KATNIP: variants seen among roughly 807,000 people sequenced by gnomAD.
KATNIP encodes katanin-interacting protein.
A neutral mutation model predicts 174.0 loss-of-function variants in KATNIP; 126 were observed. The ratio of observed to expected loss-of-function variants is 0.72; its 90% CI spans 0.63 to 0.84. KATNIP has a LOEUF of 0.84. Among genes scored for constraint, KATNIP ranks in the 40% least tolerant of loss-of-function variants. KATNIP has a pLI of 0.00. For synonymous variants in KATNIP, 810 were observed against 835.7 expected, an observed-to-expected ratio of 0.97 and a Z score of 0.53; for missense variants, 1,958 against 2,109.7, an observed-to-expected ratio of 0.93 and a Z score of 1.41.
chr16:27,712,593 A>G (rs2079623322), intron 13 of KATNIP, among the ~76,000 whole-genome samples: 1 of 152,202 alleles, frequency 6.6e-6, no homozygotes, highest in Non-Finnish European at 1.5e-5. Context: ...GAATTGGAGC[A>G]TTCAAAAGAT....
intron 2 of KATNIP, among the ~76,000 whole-genome samples, chr16:27,599,680 C>T (rs1052417241): frequency 1.3e-5 from 2 of 152,208 alleles, no homozygotes; most frequent in African/African-American, 4.8e-5. Flanking sequence ...AGCCTCTCAC[C>T]TGCAGCCTGG....
At chr16:27,715,425 A>G (rs1294094136) in intron 13 of KATNIP, among the ~76,000 whole-genome samples, 1 of 152,242 alleles carries the variant, frequency 6.6e-6, no homozygotes, top group Non-Finnish European at 1.5e-5. Context: ...ACCAAAAACA[A>G]GAAAAAACGG....
chr16:27,582,692 C>T (rs2090744918), intron 2 of KATNIP, among the ~76,000 whole-genome samples: 3 of 152,272 alleles, frequency 2.0e-5, no homozygotes, highest in South Asian at 4.1e-4. Context: ...CTTACCTTTT[C>T]GTGATTCGAC....
At chr16:27,617,836 G>T (rs895370343) in intron 2 of KATNIP, among the ~76,000 whole-genome samples, 4 of 152,110 alleles carry the variant, frequency 2.6e-5, no homozygotes, top group Non-Finnish European at 4.4e-5. Flanking sequence ...CAAGACTCAG[G>T]CAGTCCTCCC....
intron 2 of KATNIP, among the ~76,000 whole-genome samples, chr16:27,602,268 C>T (rs1350374438): frequency 1.3e-5 from 2 of 152,190 alleles, no homozygotes; most frequent in Non-Finnish European, 1.5e-5. Flanking sequence ...CGCTTAAAAT[C>T]CAGTTGAAAG....
intron 15 of KATNIP, among the ~76,000 whole-genome samples, chr16:27,743,448 C>T (rs1051050680): frequency 6.6e-6 from 1 of 152,164 alleles, no homozygotes; most frequent in Non-Finnish European, 1.5e-5. Flanking sequence ...CCCAGCCTTA[C>T]AAATTTTTGC....
chr16:27,682,726 G>A (rs1392157997), intron 8 of KATNIP, among the ~76,000 whole-genome samples: 2 of 152,124 alleles, frequency 1.3e-5, no homozygotes, highest in East Asian at 3.8e-4. Flanking sequence ...TTGAATATTT[G>A]CCCCCTCCAA....
intron 13 of KATNIP, among the ~76,000 whole-genome samples, chr16:27,712,527 C>T (rs370288187): frequency 2.9e-4 from 44 of 152,272 alleles, no homozygotes; most frequent in African/African-American, 5.5e-4. Context: ...CACCCGACAG[C>T]TGAGGTACCT....
chr16:27,593,495 C>T (rs1596838847), intron 2 of KATNIP, among the ~76,000 whole-genome samples: 2 of 152,072 alleles, frequency 1.3e-5, no homozygotes, highest in African/African-American at 2.4e-5. Flanking sequence ...GCCTTGGCCT[C>T]GCAAAGTGCT....
At chr16:27,671,431 C>T (rs75533277) in intron 6 of KATNIP, among the ~76,000 whole-genome samples, 3,427 of 152,230 alleles carry the variant, frequency 0.023, 146 homozygotes, top group African/African-American at 0.079. Flanking sequence ...GGTGAACACC[C>T]GCTCTATTAG....
At chr16:27,704,203 G>A (rs2142995560) in intron 12 of KATNIP, among the ~76,000 whole-genome samples, 1 of 151,994 alleles carries the variant, frequency 6.6e-6, no homozygotes, top group Admixed American at 6.6e-5. Context: ...AGAAGTTTCA[G>A]CAGAGAGAAG....
chr16:27,744,839 C>T (rs2081228822), intron 15 of KATNIP, among the ~76,000 whole-genome samples: 3 of 151,830 alleles, frequency 2.0e-5, no homozygotes, highest in South Asian at 2.1e-4. Context: ...CGCTTGAGCT[C>T]GGGAGGTGGA....
intron 18 of KATNIP, among the ~76,000 whole-genome samples, chr16:27,760,297 G>T (rs1446041241): frequency 6.6e-6 from 1 of 152,212 alleles, no homozygotes; most frequent in Non-Finnish European, 1.5e-5. Flanking sequence ...GGGCAGAAGG[G>T]TTTATTGTGT....
chr16:27,670,612 C>G (rs183448682), intron 6 of KATNIP, among the ~76,000 whole-genome samples: 1 of 152,084 alleles, frequency 6.6e-6, no homozygotes, highest in South Asian at 2.1e-4. Flanking sequence ...CTTCCAGCAT[C>G]GAGTGCTGCT....
Position 27,777,485 on chromosome 16 carries a change from G to A in KATNIP, c.4552-125G>A, listed in dbSNP as rs781602424. ...AAGGCAGACACAGCACACAGTAGGC[G>A]CTTGTTCCTGACAGCCCCGTCTTCC... On this transcript the variant is annotated intron_variant, in intron 25 of 27. Transcript: ENST00000261588. The surrounding 1 kb of genome is among the most constrained non-coding windows in gnomAD (Gnocchi z 4.4). The A allele has an allele frequency of 3.1e-5, 26 of 831,252 alleles. No individual in the cohort carries two copies. The highest frequency in any genetic ancestry group is 4.4e-5 in the Non-Finnish European group (24 of 546,108). The allele number at this position is 831,252 out of a possible 1,614,324, so 51.5% of individuals were successfully genotyped here. A position where few individuals can be genotyped will look rare whatever the true frequency, so the allele number is the denominator to read the frequency against.
chr16:27,735,275 A>G (rs1198149710), intron 14 of KATNIP, among the ~76,000 whole-genome samples: 1 of 152,134 alleles, frequency 6.6e-6, no homozygotes, highest in Non-Finnish European at 1.5e-5. Flanking sequence ...CTTGGTGGGA[A>G]CAGGGCTGGA....
At chr16:27,620,088 A>C (rs575915888) in intron 3 of KATNIP, among the ~76,000 whole-genome samples, 7 of 152,340 alleles carry the variant, frequency 4.6e-5, no homozygotes. Context: ...ATAAGTGTGC[A>C]ATCAAAGAGG....
intron 5 of KATNIP, among the ~76,000 whole-genome samples, chr16:27,645,974 G>C (rs2076945657): frequency 6.6e-6 from 1 of 152,204 alleles, no homozygotes; most frequent in African/African-American, 2.4e-5. Context: ...CAGATACCAG[G>C]TAGGCAGAGA....
At chr16:27,624,384 T>A (rs1308284069) in intron 3 of KATNIP, among the ~76,000 whole-genome samples, 1 of 152,120 alleles carries the variant, frequency 6.6e-6, no homozygotes, top group Non-Finnish European at 1.5e-5. Context: ...TCTGTGCAGG[T>A]GATCCCAAAG....
Sources: allele counts gnomAD v4.1 joint callset (sites outside exome capture counted in the v4.1 genomes callset), GRCh38; gene constraint gnomAD v4.1.1; non-coding constraint Gnocchi (gnomAD v3.1); transcripts MANE v1.5; gene names NCBI Gene and HGNC (gene_info 2026-07-23, HGNC 2026-07-21).